TRPC1: variants seen among roughly 807,000 people sequenced by gnomAD.
TRPC1 encodes the protein transient receptor potential cation channel subfamily C member 1.
Under a neutral mutation model 88.2 loss-of-function variants are expected in TRPC1, and 42 were observed. That is an observed-to-expected ratio of 0.48 (90% CI 0.37 to 0.62). The LOEUF is 0.62. TRPC1 is among the 20% of genes least tolerant of loss of function. TRPC1 has a pLI of 0.00. For missense variants in TRPC1, 699 were observed against 957.3 expected (o/e 0.73, Z 3.56); for synonymous variants, 288 against 331.8 (o/e 0.87, Z 1.43).
chr3:142,768,923 TA>T (rs1204416299), intron 4 of TRPC1, among the ~76,000 whole-genome samples: 1 of 151,898 alleles, frequency 6.6e-6, no homozygotes, highest in Non-Finnish European at 1.5e-5. Flanking sequence ...TTCCTTTAAA[TA>T]ATCTTACATT....
At chr3:142,757,290 T>TA (rs1208204912) in intron 4 of TRPC1, among the ~76,000 whole-genome samples, 17 of 151,346 alleles carry the variant, frequency 1.1e-4, no homozygotes, top group African/African-American at 3.9e-4. Context: ...TTCTTTTTTT[T>TA]AAAAAAAAAT....
chr3:142,784,730 G>A lies in TRPC1; in HGVS notation c.987G>A (p.Gln329=). Residue 329 remains glutamine, a synonymous_variant, in exon 7 of 13, where the codon CAG becomes CAA. Coordinates refer to ENST00000476941, the MANE Select transcript of TRPC1 (RefSeq NM_001251845.2). ...TTGTCTCCCAGTCTAACTGCCAGCA[G>A]TTCCTGAACACTGTTTGGTTTGGAC... ...KEFVSQSNCQ[Q]FLNTVWFGQM... is the part of the protein sequence containing the mutation. The A allele has an allele frequency of 1.2e-6, 2 of 1,613,316 alleles. No homozygotes were observed. The highest frequency in any genetic ancestry group is 1.7e-6 in the Non-Finnish European group (2 of 1,179,596).
intron 4 of TRPC1, among the ~76,000 whole-genome samples, chr3:142,757,410 C>T (rs939483419): frequency 3.3e-5 from 5 of 151,988 alleles, no homozygotes; most frequent in Non-Finnish European, 7.4e-5. Context: ...AACCCAAATG[C>T]CCACCAGTGA....
intron 1 of TRPC1, among the ~76,000 whole-genome samples, chr3:142,730,641 A>G (rs769025854): frequency 1.2e-4 from 18 of 151,084 alleles, no homozygotes; most frequent in Non-Finnish European, 2.4e-4. Context: ...ATTTGGTTCA[A>G]GCTAATTTGA....
intron 4 of TRPC1, among the ~76,000 whole-genome samples, chr3:142,750,370 A>G (rs1934711014): frequency 6.6e-6 from 1 of 152,240 alleles, no homozygotes; most frequent in South Asian, 2.1e-4. Flanking sequence ...GTGAGATACC[A>G]TCTCATGCCA....
intron 2 of TRPC1, among the ~76,000 whole-genome samples, chr3:142,737,275 C>T (rs900413801): frequency 1.3e-5 from 2 of 149,694 alleles, no homozygotes; most frequent in African/African-American, 2.5e-5. Flanking sequence ...GAGACATTCA[C>T]AGCAGATTTT....
rs886550743 is a variant in TRPC1, at chr3:142,776,433, G to T, written c.633-1199G>T. 1.7e-4 allele frequency among the ~76,000 whole-genome samples: 26 copies of T among 151,980 alleles called. No homozygotes were observed. The South Asian group carries it at 5.2e-3, about 30-fold the overall frequency. On this transcript the variant is annotated intron_variant, in intron 4 of 12. Transcript: ENST00000476941. This position sits in a 1 kb window ranked among gnomAD's most constrained non-coding sequence, Gnocchi z 4.1. Reference sequence around the variant, plus strand: ...TAAATGAACTATAGCAAATTTTTCTGGTTTGTTTTCTATTTAGGTATGGAA... The same window carrying T: ...TAAATGAACTATAGCAAATTTTTCTTGTTTGTTTTCTATTTAGGTATGGAA...
At chr3:142,761,890 C>A (rs1208709280) in intron 4 of TRPC1, among the ~76,000 whole-genome samples, 1 of 151,832 alleles carries the variant, frequency 6.6e-6, no homozygotes, top group African/African-American at 2.4e-5. Flanking sequence ...TTTAATGATT[C>A]TTTGTATTTC....
intron 9 of TRPC1, among the ~76,000 whole-genome samples, chr3:142,797,284 G>A (rs1038298386): frequency 2.6e-5 from 4 of 151,686 alleles, no homozygotes; most frequent in Non-Finnish European, 5.9e-5. Flanking sequence ...GATAGGAGGT[G>A]CGTTTCTTTC....
chr3:142,780,400 A>G (rs1935922851), intron 5 of TRPC1, among the ~76,000 whole-genome samples: 1 of 152,324 alleles, frequency 6.6e-6, no homozygotes, highest in African/African-American at 2.4e-5. Flanking sequence ...ATGACTATTG[A>G]AAAAGCTCTA....
intron 7 of TRPC1, among the ~76,000 whole-genome samples, chr3:142,787,300 C>T (rs1310214225): frequency 6.6e-6 from 1 of 152,062 alleles, no homozygotes; most frequent in African/African-American, 2.4e-5. Context: ...AGATCCAAAC[C>T]GGCTCTAAGT....
In TRPC1 at chr3:142,803,278, A is replaced by G. The variant is rs144133521; in HGVS notation, c.1758-699A>G. 2.0e-3 allele frequency among the ~76,000 whole-genome samples: 311 copies of G among 152,332 alleles called. 1 individual carries two copies. The highest frequency in any genetic ancestry group is 7.3e-3 in the African/African-American group (303 of 41,580). On this transcript the variant is annotated intron_variant, in intron 10 of 12. Transcript: ENST00000476941. ...CTGGTAAAGGAGCAAGCCACGAAGAACATTTCTGGGGGAAGAGCATTTACA... is the reference window on the plus strand; with the variant it reads ...CTGGTAAAGGAGCAAGCCACGAAGAGCATTTCTGGGGGAAGAGCATTTACA...
intron 4 of TRPC1, among the ~76,000 whole-genome samples, chr3:142,751,885 A>G (rs1916641): frequency 0.029 from 4,415 of 152,260 alleles, 226 homozygotes; most frequent in African/African-American, 0.1. Flanking sequence ...TTTCAAGTCT[A>G]TTTTACAAAG....
chr3:142,745,966 A>C (rs1934536460), intron 3 of TRPC1, among the ~76,000 whole-genome samples: 3 of 152,104 alleles, frequency 2.0e-5, no homozygotes. Flanking sequence ...CATGTTGGCC[A>C]GTCTGGTCTG....
Position 142,780,880 on chromosome 3 carries a change from G to T in TRPC1, c.811G>T (p.Asp271Tyr). 2 of 1,613,188 alleles carry T rather than the reference G, an allele frequency of 1.2e-6. No homozygotes were observed. The highest frequency in any genetic ancestry group is 1.7e-6 in the Non-Finnish European group (2 of 1,179,466). The change falls in exon 6 of 13, where the codon GAT (aspartate) becomes TAT (tyrosine). Residue 271 changes from aspartate (D) to tyrosine (Y), a missense_variant. Coordinates refer to ENST00000476941, the MANE Select transcript of TRPC1 (RefSeq NM_001251845.2). ...LARQCKMFAKDLLAQARNSRE... is the reference protein window; with the variant it reads ...LARQCKMFAKYLLAQARNSRE... Reference sequence around the variant, plus strand: ...CCGGCAATGTAAAATGTTTGCTAAGGATTTACTTGCACAAGCCCGGAATTC... The same window carrying T: ...CCGGCAATGTAAAATGTTTGCTAAGTATTTACTTGCACAAGCCCGGAATTC...
chr3:142,724,467 T>G lies in TRPC1; in HGVS notation c.-93T>G. 2.3e-6 allele frequency: 3 copies of G among 1,278,948 alleles called. No individual in the cohort carries two copies. The South Asian group carries it at 4.6e-5, about 20-fold the overall frequency. 79.2% of individuals were successfully genotyped at this position (1,278,948 alleles called of 1,614,324 possible). Reference sequence around the variant, plus strand: ...AGCAGTGGGAACGACTCATCCTTTTTCCAGCCCTGGGGCGTGGCTGGGGTC... The same window carrying G: ...AGCAGTGGGAACGACTCATCCTTTTGCCAGCCCTGGGGCGTGGCTGGGGTC... On this transcript the variant is annotated 5_prime_UTR_variant, in exon 1 of 13. Transcript: ENST00000476941. The surrounding 1 kb of genome is among the most constrained non-coding windows in gnomAD (Gnocchi z 5.6).
chr3:142,756,341 A>G (rs1430080947), intron 4 of TRPC1, among the ~76,000 whole-genome samples: 2 of 148,220 alleles, frequency 1.3e-5, no homozygotes, highest in Middle Eastern at 3.5e-3. Context: ...TAACATTTTT[A>G]CTGGTAAGGT....
intron 5 of TRPC1, among the ~76,000 whole-genome samples, chr3:142,780,455 G>A (rs1332634509): frequency 6.6e-6 from 1 of 152,172 alleles, no homozygotes; most frequent in Admixed American, 6.5e-5. Flanking sequence ...AAGATATTAT[G>A]TCTATTGTTA....
intron 4 of TRPC1, among the ~76,000 whole-genome samples, chr3:142,765,668 T>C (rs1935360011): frequency 6.6e-6 from 1 of 151,986 alleles, no homozygotes; most frequent in South Asian, 2.1e-4. Context: ...AAAAATTAAC[T>C]CAAGGTGGAT....
Sources: allele counts gnomAD v4.1 joint callset (sites outside exome capture counted in the v4.1 genomes callset), GRCh38; gene constraint gnomAD v4.1.1; non-coding constraint Gnocchi (gnomAD v3.1); transcripts MANE v1.5; gene names NCBI Gene and HGNC (gene_info 2026-07-23, HGNC 2026-07-21).